Variants in LIMCH1 observed in about 807,000 individuals in gnomAD.
LIMCH1 encodes LIM and calponin homology domains 1.
In LIMCH1, 113 loss-of-function variants were observed where a neutral mutation model predicts 176.5. The observed-to-expected ratio is 0.64, with a 90% CI of 0.55 to 0.75. The LOEUF (loss-of-function observed/expected upper bound fraction) is 0.75, where lower values mean the gene tolerates loss of function less well. Among genes scored for constraint, LIMCH1 ranks in the 30% least tolerant of loss-of-function variants. LIMCH1 has a pLI of 0.00. For synonymous variants in LIMCH1, 619 were observed against 645.9 expected (o/e 0.96, Z 0.63); for missense variants, 1,674 against 1,814.9 (o/e 0.92, Z 1.41).
intron 1 of LIMCH1, among the ~76,000 whole-genome samples, chr4:41,363,719 T>G (rs532462237): frequency 6.6e-6 from 1 of 152,232 alleles, no homozygotes; most frequent in South Asian, 2.1e-4. Flanking sequence ...CCCCTTCCCC[T>G]CACTCCTTCC....
intron 1 of LIMCH1, among the ~76,000 whole-genome samples, chr4:41,483,601 C>T (rs1458612085): frequency 1.3e-5 from 2 of 152,172 alleles, no homozygotes; most frequent in African/African-American, 4.8e-5. Flanking sequence ...CCATCTCGAC[C>T]ATGCCTACTC....
chr4:41,400,721 A>G (rs2058345558), intron 1 of LIMCH1, among the ~76,000 whole-genome samples: 1 of 152,206 alleles, frequency 6.6e-6, no homozygotes, highest in Non-Finnish European at 1.5e-5. Flanking sequence ...AACAAACTGG[A>G]AGGTACAGAA....
At chr4:41,695,929 C>T (rs913938705) in intron 31 of LIMCH1, among the ~76,000 whole-genome samples, 8 of 151,958 alleles carry the variant, frequency 5.3e-5, no homozygotes, top group Non-Finnish European at 8.8e-5. Context: ...AAAAAAAAGG[C>T]TAAAAACCAT....
At chr4:41,436,582 G>T (rs1334259456) in intron 1 of LIMCH1, among the ~76,000 whole-genome samples, 2 of 152,132 alleles carry the variant, frequency 1.3e-5, no homozygotes, top group Non-Finnish European at 2.9e-5. Context: ...CATCGGGATT[G>T]TAGAAGCAGC....
In LIMCH1 at chr4:41,689,583, C is replaced by G; in HGVS notation, c.4223C>G (p.Ala1408Gly). 1 of 1,612,850 alleles carries G rather than the reference C, an allele frequency of 6.2e-7. No individual in the cohort carries two copies. The highest frequency in any genetic ancestry group is 8.5e-7 in the Non-Finnish European group (1 of 1,179,002). ...SSCGLPLGKG[A>G]AMIIETLNLY... ...TGTGGGCTTCCTTTGGGTAAAGGAG[C>G]TGCAATGATCATCGAGACCCTCAAT... Residue 1408 changes from alanine (A) to glycine (G), a missense_variant, in exon 30 of 32, where the codon GCT becomes GGT. Ala to Gly is a moderately conservative substitution (Grantham distance 60, BLOSUM62 0). Around this residue, in one of 3 missense-constraint regions of LIMCH1, gnomAD observed 1,015 missense variants for 1,102.5 expected, o/e 0.92. Coordinates refer to ENST00000503057, the MANE Select transcript of LIMCH1 (RefSeq NM_001330672.2).
At position 41,697,278 on chromosome 4, in the gene LIMCH1, C is replaced by A; in HGVS notation, c.*93C>A. Reference sequence around the variant, plus strand: ...CAAAATCCCAAGCTCAGGGGCTTCTCAGCATTTACCTAATTTCTGAAAGGC... The same window carrying A: ...CAAAATCCCAAGCTCAGGGGCTTCTAAGCATTTACCTAATTTCTGAAAGGC... On this transcript the variant is annotated 3_prime_UTR_variant, in exon 32 of 32. Transcript: ENST00000503057. 9.1e-7 allele frequency: 1 copy of A among 1,098,132 alleles called. No homozygotes were observed. The highest frequency in any genetic ancestry group is 1.4e-6 in the Non-Finnish European group (1 of 721,512). 68.0% of individuals were successfully genotyped at this position (1,098,132 alleles called of 1,614,324 possible). A position where few individuals can be genotyped will look rare whatever the true frequency, so the allele number is the denominator to read the frequency against.
At chr4:41,417,541 G>T (rs901138223) in intron 1 of LIMCH1, among the ~76,000 whole-genome samples, 1 of 152,164 alleles carries the variant, frequency 6.6e-6, no homozygotes, top group Non-Finnish European at 1.5e-5. Flanking sequence ...TTTCTACAGG[G>T]AGTCAGTGTT....
chr4:41,365,895 C>T (rs1466364050), intron 1 of LIMCH1, among the ~76,000 whole-genome samples: 1 of 152,206 alleles, frequency 6.6e-6, no homozygotes, highest in African/African-American at 2.4e-5. Flanking sequence ...AGGCGAGCTC[C>T]AAAGGGCAGA....
In LIMCH1 at chr4:41,646,173, C is replaced by G. The variant is rs756277721; in HGVS notation, c.2304C>G (p.Ile768Met). ...SRRRSVSQDL[I>M]KKEEERKKME... Reference sequence around the variant, plus strand: ...GAAGAAGTGTTTCTCAGGACTTAATCAAGAAAGAGGAAGAAAGGAAAAAAA... The same window carrying G: ...GAAGAAGTGTTTCTCAGGACTTAATGAAGAAAGAGGAAGAAAGGAAAAAAA... The change falls in exon 16 of 32, where the codon ATC (isoleucine) becomes ATG (methionine). Residue 768 changes from isoleucine (I) to methionine (M), a missense_variant. By Grantham distance (10) the Ile-to-Met change is conservative. Transcript: ENST00000503057. The G allele has an allele frequency of 6.2e-7, 1 of 1,613,700 alleles. No individual in the cohort carries two copies. Among genetic ancestry groups the G allele is most frequent in the African/African-American group, 1.3e-5 (1 of 74,870 alleles).
At chr4:41,538,146 T>C, upstream of LIMCH1, 1 of 985,488 alleles carries the variant, frequency 1.0e-6, no homozygotes, top group Non-Finnish European at 1.2e-6. Context: ...CCAGTTCCCT[T>C]TCACTGCATC....
Position 41,411,156 on chromosome 4 carries a change from A to G in LIMCH1, c.96+50220A>G, listed in dbSNP as rs540937044. 2.2e-4 allele frequency among the ~76,000 whole-genome samples: 33 copies of G among 152,366 alleles called. 1 individual carries two copies. The South Asian group carries it at 4.6e-3, about 21-fold the overall frequency. On this transcript the variant is annotated intron_variant, in intron 1 of 26. Coordinates refer to the LIMCH1 transcript ENST00000313860. Reference sequence around the variant, plus strand: ...TCATTTACAAATGTTTCTAAAATGTATTCAGGCTAGGATTTGAATCCAGGC... The same window carrying G: ...TCATTTACAAATGTTTCTAAAATGTGTTCAGGCTAGGATTTGAATCCAGGC...
intron 1 of LIMCH1, among the ~76,000 whole-genome samples, chr4:41,364,936 TTAG>T (rs907261966): frequency 6.6e-6 from 1 of 152,182 alleles, no homozygotes; most frequent in Non-Finnish European, 1.5e-5. Context: ...CAAGAGTTTA[TTAG>T]TAGGTTAGAT....
intron 9 of LIMCH1, 73 bp downstream of exon 9, chr4:41,629,807 C>A: frequency 1.9e-5 from 26 of 1,364,026 alleles, no homozygotes; most frequent in African/African-American, 4.6e-5. Context: ...AAATGCTTAT[C>A]TTTGTGTCTT....
rs144275339 is a variant in LIMCH1, at chr4:41,452,987, G to C, written c.97-41549G>C. On this transcript the variant is annotated intron_variant, in intron 1 of 26. Transcript: ENST00000313860. The stretch of plus-strand genomic sequence containing the variant: ...GATAAATATTTGAGTGAATACTTCA[G>C]TGCCTGCTGTGTTCTGGGAAATCAT... Among the ~76,000 whole-genome samples the C allele has an allele frequency of 7.9e-3, 1,210 of 152,252 alleles. 12 individuals carry two copies. Among genetic ancestry groups the C allele is most frequent in the African/African-American group, 0.027 (1,107 of 41,550 alleles).
intron 3 of LIMCH1, among the ~76,000 whole-genome samples, chr4:41,532,191 C>T (rs2077399159): frequency 6.6e-6 from 1 of 152,168 alleles, no homozygotes; most frequent in South Asian, 2.1e-4. Context: ...CACACGAGGT[C>T]TTTGGTGCAT....
intron 28 of LIMCH1, 32 bp downstream of exon 28, chr4:41,685,862 C>T: frequency 6.3e-7 from 1 of 1,596,276 alleles, no homozygotes; most frequent in Non-Finnish European, 8.5e-7. Flanking sequence ...TTGTGGGATT[C>T]CCTTTTTTAA....
At chr4:41,560,439 G>A (rs1258532939) in intron 1 of LIMCH1, among the ~76,000 whole-genome samples, 1 of 152,196 alleles carries the variant, frequency 6.6e-6, no homozygotes, top group Non-Finnish European at 1.5e-5. Context: ...ACAGTGGAAA[G>A]CAGCACTCTG....
In LIMCH1 at chr4:41,578,644, G is replaced by T. The variant is rs2084889551; in HGVS notation, c.-240-20276G>T. 2.0e-5 allele frequency among the ~76,000 whole-genome samples: 3 copies of T among 151,914 alleles called. No homozygotes were observed. The South Asian group carries it at 6.2e-4, about 32-fold the overall frequency. On this transcript the variant is annotated intron_variant, in intron 1 of 31. Coordinates refer to ENST00000503057, the MANE Select transcript of LIMCH1 (RefSeq NM_001330672.2). ...AGCATTAAAATGTTTTTGGGGAGTA[G>T]GCCAAATTTCCCCCCACACATTTAT...
At chr4:41,364,757 C>T (rs926196449) in intron 1 of LIMCH1, among the ~76,000 whole-genome samples, 56 of 152,288 alleles carry the variant, frequency 3.7e-4, no homozygotes, top group African/African-American at 1.3e-3. Flanking sequence ...AATATTAAAT[C>T]ATTATACAAA....
Sources: gnomAD v4.1 joint callset for allele counts (sites outside exome capture counted in the v4.1 genomes callset) on GRCh38, gnomAD v4.1.1 for gene constraint, gnomAD v4.1.1 regional missense constraint, MANE v1.5 for transcripts, NCBI Gene and HGNC (gene_info 2026-07-23, HGNC 2026-07-21) for gene names.